Variants in ZNF33B observed in about 807,000 individuals in gnomAD.
The protein encoded by ZNF33B is zinc finger protein 33B, also known as zinc finger protein 11b (KOX 2).
ZNF33B carries 29 observed loss-of-function variants against 45.8 expected under a neutral mutation model. The ratio of observed to expected loss-of-function variants is 0.63; its 90% confidence interval spans 0.47 to 0.86. ZNF33B has a LOEUF of 0.86. ZNF33B is among the 40% of genes least tolerant of loss of function. ZNF33B has a pLI of 0.00. For synonymous variants in ZNF33B, 305 were observed against 307.8 expected, an observed-to-expected ratio of 0.99 and a Z score of 0.10; for missense variants, 831 against 909.9, an observed-to-expected ratio of 0.91 and a Z score of 1.12.
intron 1 of ZNF33B, among the ~76,000 whole-genome samples, chr10:42,583,739 T>C (rs1413204551): frequency 6.6e-6 from 1 of 151,836 alleles, no homozygotes; most frequent in Non-Finnish European, 1.5e-5. Flanking sequence ...CCTTAACTCG[T>C]CCATATTTTG....
chr10:42,613,356 T>C (rs1838179574), intron 4 of ZNF33B, among the ~76,000 whole-genome samples: 1 of 152,046 alleles, frequency 6.6e-6, no homozygotes, highest in Admixed American at 6.6e-5. Flanking sequence ...GTGACCAGCC[T>C]GTACAACATG....
rs753764413 is a variant in ZNF33B, at chr10:42,632,003, T to C, written c.176A>G (p.Glu59Gly). ...TCCTTGTTCCAGCCTGAAGATCACC[T>C]CTGGTTTGTGAGCACAATACCCTGT... ...VSVGYCAHKP[E>G]VIFRLEQGEE... Residue 59 changes from glutamate to glycine, a missense_variant, in exon 4 of 5, where the codon GAG becomes GGG. Transcript: ENST00000359467. 13 of 1,613,976 alleles carry C rather than the reference T, an allele frequency of 8.1e-6. No individual in the cohort carries two copies. In the Admixed American group the frequency reaches 2.2e-4, roughly 27 times the overall value.
chr10:42,600,089 T>G (rs1291388112), intron 4 of ZNF33B, among the ~76,000 whole-genome samples: 1 of 152,100 alleles, frequency 6.6e-6, no homozygotes, highest in Non-Finnish European at 1.5e-5. Context: ...TTTATTAAGA[T>G]TTGCTTTACA....
At chr10:42,625,038 T>TTATATATATATA (rs58614890) in intron 4 of ZNF33B, among the ~76,000 whole-genome samples, 61 of 145,558 alleles carry the variant, frequency 4.2e-4, no homozygotes, top group Middle Eastern at 7.2e-3. Flanking sequence ...GTTTCATATT[T>TTATATATATATA]TATATATATA....
At chr10:42,599,215 G>T (rs1837523410) in intron 4 of ZNF33B, among the ~76,000 whole-genome samples, 1 of 152,034 alleles carries the variant, frequency 6.6e-6, no homozygotes, top group Non-Finnish European at 1.5e-5. Flanking sequence ...CCACCTAGAA[G>T]TTTATCCATT....
chr10:42,609,664 A>C (rs1310195980), intron 4 of ZNF33B, among the ~76,000 whole-genome samples: 1 of 152,182 alleles, frequency 6.6e-6, no homozygotes, highest in Non-Finnish European at 1.5e-5. Flanking sequence ...ATAAATCCTC[A>C]ACAAAATACT....
intron 4 of ZNF33B, among the ~76,000 whole-genome samples, chr10:42,628,174 C>A (rs1409938747): frequency 6.6e-6 from 1 of 152,178 alleles, no homozygotes; most frequent in South Asian, 2.1e-4. Flanking sequence ...CGCCACCATG[C>A]CTGGCTAATT....
At chr10:42,616,363 AT>A (rs1378514386) in intron 4 of ZNF33B, among the ~76,000 whole-genome samples, 1 of 152,174 alleles carries the variant, frequency 6.6e-6, no homozygotes. Context: ...TCTCCAGAAA[AT>A]TGTTTCTTAT....
intron 2 of ZNF33B, among the ~76,000 whole-genome samples, chr10:42,636,051 C>T (rs1839287046): frequency 6.6e-6 from 1 of 152,056 alleles, no homozygotes; most frequent in South Asian, 2.1e-4. Flanking sequence ...ATTGCTTGAA[C>T]CCAGGAGGCA....
chr10:42,576,227 G>T lies in ZNF33B; in HGVS notation c.74-1549C>A, dbSNP rs548888678. Among the ~76,000 whole-genome samples the T allele has an allele frequency of 1.4e-4, 22 of 152,164 alleles. 1 individual carries two copies. The East Asian group carries it at 4.3e-3, about 29-fold the overall frequency. On this transcript the variant is annotated intron_variant, in intron 1 of 1. Transcript: ENST00000462075. ...TGGTCTCGAACTCCTGAGCTCAGGC[G>T]ATCTGCCCGCCTCAGCCTCCCAAAA... is the stretch of plus-strand genomic sequence containing the variant.
chr10:42,638,086 G>A lies in ZNF33B; in HGVS notation c.-45+388C>T, dbSNP rs566120143. Among the ~76,000 whole-genome samples the A allele has an allele frequency of 1.6e-4, 24 of 152,336 alleles. No individual in the cohort carries two copies. The South Asian group carries it at 5.0e-3, about 32-fold the overall frequency. ...CCTAAAGAGGATGAACGCAGAACGG[G>A]CAACAGAGTCCGTATGTCGGGCGGG... On this transcript the variant is annotated intron_variant, in intron 1 of 4. Transcript: ENST00000359467.
Position 42,591,813 on chromosome 10 carries a change from G to C in ZNF33B, c.*800C>G, listed in dbSNP as rs1366575844. 6.5e-6 allele frequency: 1 copy of C among 153,754 alleles called. No homozygotes were observed. The highest frequency in any genetic ancestry group is 6.5e-5 in the Admixed American group (1 of 15,278). The allele number at this position is 153,754 out of a possible 1,614,324, so 9.5% of individuals were successfully genotyped here. On this transcript the variant is annotated 3_prime_UTR_variant, in exon 5 of 5. Coordinates refer to ENST00000359467, the MANE Select transcript of ZNF33B (RefSeq NM_006955.3). ...TTAATACAACAAGGGAACTACTTGAGGCTAAATCCTGATTCCTTTGTAATC... is the reference window on the plus strand; with the variant it reads ...TTAATACAACAAGGGAACTACTTGACGCTAAATCCTGATTCCTTTGTAATC...
chr10:42,580,978 C>G (rs1012931097), intron 1 of ZNF33B, among the ~76,000 whole-genome samples: 1 of 152,128 alleles, frequency 6.6e-6, no homozygotes, highest in Non-Finnish European at 1.5e-5. Flanking sequence ...ATCACAATCA[C>G]ACCAGGAGAA....
At chr10:42,632,754 C>A (rs952991642) in intron 2 of ZNF33B, 5 of 313,100 alleles carry the variant, frequency 1.6e-5, no homozygotes, top group Non-Finnish European at 2.9e-5. Context: ...AAAGTACAAA[C>A]CCAACAGACT....
intron 4 of ZNF33B, among the ~76,000 whole-genome samples, chr10:42,625,038 T>TTATATATA (rs58614890): frequency 1.5e-4 from 22 of 145,520 alleles, no homozygotes; most frequent in African/African-American, 2.8e-4. Flanking sequence ...GTTTCATATT[T>TTATATATA]TATATATATA....
Position 42,632,263 on chromosome 10 carries a change from C to G in ZNF33B, c.154+32G>C. 4 of 1,580,614 alleles carry G rather than the reference C, an allele frequency of 2.5e-6. No individual in the cohort carries two copies. In the South Asian group the frequency reaches 3.5e-5, roughly 14 times the overall value. On this transcript the variant is annotated intron_variant, in intron 3 of 4. Transcript: ENST00000359467. The stretch of plus-strand genomic sequence containing the variant: ...GTTTTATAATCAAAATAAACGAATG[C>G]TATTTAGAATGATACAGTGAACAGA...
chr10:42,624,735 G>A, intron 4 of ZNF33B, among the ~76,000 whole-genome samples: 1 of 152,146 alleles, frequency 6.6e-6, no homozygotes, highest in Admixed American at 6.5e-5. Context: ...CTCATGGGTA[G>A]CATATACAGC....
At chr10:42,618,400 T>G (rs562089767) in intron 4 of ZNF33B, among the ~76,000 whole-genome samples, 1 of 152,324 alleles carries the variant, frequency 6.6e-6, no homozygotes, top group African/African-American at 2.4e-5. Flanking sequence ...GCTATAAAAT[T>G]TTTTTGATGG....
intron 4 of ZNF33B, among the ~76,000 whole-genome samples, chr10:42,607,104 T>C (rs1206802509): frequency 1.3e-5 from 2 of 152,010 alleles, no homozygotes; most frequent in East Asian, 3.9e-4. Context: ...TTTAAATATA[T>C]ATGCAATATA....
Sources: gnomAD v4.1 joint callset for allele counts (sites outside exome capture counted in the v4.1 genomes callset) on GRCh38, gnomAD v4.1.1 for gene constraint, MANE v1.5 for transcripts, NCBI Gene and HGNC (gene_info 2026-07-23, HGNC 2026-07-21) for gene names.